GATA3: variants seen among roughly 807,000 people sequenced by gnomAD.
GATA3 encodes trans-acting T-cell-specific transcription factor GATA-3.
Under a neutral mutation model 36.0 loss-of-function variants are expected in GATA3, and 6 were observed. The ratio of observed to expected loss-of-function variants is 0.17; its 90% CI spans 0.09 to 0.33. The LOEUF is 0.33. Ranked by LOEUF, GATA3 falls within the 10% of genes least tolerant of loss-of-function variation. The probability of loss-of-function intolerance (pLI) is 1.00; values close to 1 mark genes in which losing one functional copy is unlikely to be tolerated. For missense variants in GATA3, 514 were observed against 610.1 expected, an observed-to-expected ratio of 0.84 and a Z score of 1.66; for synonymous variants, 326 against 273.0, an observed-to-expected ratio of 1.19 and a Z score of -1.92.
intron 3 of GATA3, among the ~76,000 whole-genome samples, chr10:8,062,729 T>A (rs1205052237): frequency 6.6e-6 from 1 of 152,144 alleles, no homozygotes; most frequent in East Asian, 1.9e-4. Flanking sequence ...CTTCCCTACC[T>A]ACCCTCCGGG....
chr10:8,055,466 T>A lies in GATA3; in HGVS notation c.-190T>A. 1 of 664,202 alleles carries A rather than the reference T, an allele frequency of 1.5e-6. No homozygotes were observed. Among genetic ancestry groups the A allele is most frequent in the South Asian group, 1.9e-5 (1 of 51,778 alleles). The allele number at this position is 664,202 out of a possible 1,614,324, so 41.1% of individuals were successfully genotyped here. A position where few individuals can be genotyped will look rare whatever the true frequency, so the allele number is the denominator to read the frequency against. On this transcript the variant is annotated 5_prime_UTR_variant, in exon 2 of 6. Coordinates refer to ENST00000379328, the MANE Select transcript of GATA3 (RefSeq NM_001002295.2). This position sits in a 1 kb window ranked among gnomAD's most constrained non-coding sequence, Gnocchi z 5.4. ...TCTTTGCTAAACGACCCCTCCAAGA[T>A]AATTTTTAAAAAACCTTCTCCTTTG...
intron 3 of GATA3, among the ~76,000 whole-genome samples, chr10:8,062,245 C>T (rs3824662): frequency 6.6e-6 from 1 of 151,828 alleles, no homozygotes; most frequent in South Asian, 2.1e-4. Flanking sequence ...GCATGCACTG[C>T]AGCGTGTTTG....
Position 8,055,866 on chromosome 10 carries a change from A to T in GATA3, c.211A>T (p.Thr71Ser), listed in dbSNP as rs2131483131. 1.3e-6 allele frequency: 2 copies of T among 1,570,766 alleles called. No homozygotes were observed. Among genetic ancestry groups the T allele is most frequent in the Non-Finnish European group, 1.7e-6 (2 of 1,157,718 alleles). The change falls in exon 2 of 6, where the codon ACG becomes TCG. Residue 71 changes from threonine to serine, a missense_variant. Around this residue, in one of 3 missense-constraint regions of GATA3, gnomAD observed 381 missense variants for 354.3 expected, o/e 1.08. Coordinates refer to ENST00000379328, the MANE Select transcript of GATA3 (RefSeq NM_001002295.2). This position sits in a 1 kb window ranked among gnomAD's most constrained non-coding sequence, Gnocchi z 5.4. ...PPYYGNSVRATVQRYPPTHHG... is the reference protein window; with the variant it reads ...PPYYGNSVRASVQRYPPTHHG... ...CTACTACGGAAACTCGGTCAGGGCC[A>T]CGGTGCAGAGGTACCCTCCGACCCA... is the stretch of plus-strand genomic sequence containing the variant.
In GATA3 at chr10:8,058,777, C is replaced by T. The variant is rs1379230275; in HGVS notation, c.714C>T (p.Ser238=). The change falls in exon 3 of 6, where the codon AGC becomes AGT. Residue 238 remains serine (S), a synonymous_variant. Coordinates refer to ENST00000379328, the MANE Select transcript of GATA3 (RefSeq NM_001002295.2). Reference sequence around the variant, plus strand: ...GCTCCGGACTCTTCCCCCCCAGCAGCCTGCTGGGCGGCTCCCCCACCGGCT... The same window carrying T: ...GCTCCGGACTCTTCCCCCCCAGCAGTCTGCTGGGCGGCTCCCCCACCGGCT... ...EYSSGLFPPS[S]LLGGSPTGFG... 1 of 1,609,652 alleles carries T rather than the reference C, an allele frequency of 6.2e-7. No homozygotes were observed. Among genetic ancestry groups the T allele is most frequent in the Non-Finnish European group, 8.5e-7 (1 of 1,179,410 alleles).
intron 4 of GATA3, among the ~76,000 whole-genome samples, chr10:8,067,427 C>T (rs1832859708): frequency 6.6e-6 from 1 of 152,180 alleles, no homozygotes; most frequent in African/African-American, 2.4e-5. Flanking sequence ...AAAAGGGTCA[C>T]TCAGGTTAAT....
At chr10:8,061,089 C>CTCTCTCTCTCTTT (rs754738004) in intron 3 of GATA3, among the ~76,000 whole-genome samples, 18 of 145,734 alleles carry the variant, frequency 1.2e-4, no homozygotes, top group East Asian at 1.0e-3. Context: ...CTCTCTCTCT[C>CTCTCTCTCTCTTT]TTTTTTACCC....
chr10:8,067,306 C>T (rs187402564), intron 4 of GATA3, among the ~76,000 whole-genome samples: 1 of 152,222 alleles, frequency 6.6e-6, no homozygotes, highest in Admixed American at 6.5e-5. Flanking sequence ...TTTTAGTTTC[C>T]AGTTCCTTAG....
At chr10:8,050,050 C>T (rs1465510735), upstream of GATA3, among the ~76,000 whole-genome samples, 1 of 152,188 alleles carries the variant, frequency 6.6e-6, no homozygotes, top group African/African-American at 2.4e-5. Flanking sequence ...GTCGCCCTCG[C>T]CCCGCTTTCA....
intron 4 of GATA3, among the ~76,000 whole-genome samples, chr10:8,065,705 T>G (rs1200114836): frequency 1.4e-5 from 2 of 140,218 alleles, no homozygotes; most frequent in Non-Finnish European, 3.1e-5. Context: ...GTTTGGTTTT[T>G]TTTTTTTTTT....
At chr10:8,067,446 G>T (rs1353804857) in intron 4 of GATA3, among the ~76,000 whole-genome samples, 4 of 152,200 alleles carry the variant, frequency 2.6e-5, no homozygotes, top group Non-Finnish European at 5.9e-5. Flanking sequence ...ATTCAAAATT[G>T]TCACTGGGTT....
intron 1 of GATA3, among the ~76,000 whole-genome samples, chr10:8,047,516 G>A (rs2131464058): frequency 6.6e-6 from 1 of 152,296 alleles, no homozygotes; most frequent in East Asian, 1.9e-4. Context: ...TTACTTAACG[G>A]TTGGAATAAC....
At position 8,055,594 on chromosome 10, in the gene GATA3, C is replaced by A; in HGVS notation, c.-62C>A. Reference sequence around the variant, plus strand: ...GAGCCCCCCGACCTCCCAGGCGGACCGCCCTCCCTCCCCGCGCGCGGGTTC... The same window carrying A: ...GAGCCCCCCGACCTCCCAGGCGGACAGCCCTCCCTCCCCGCGCGCGGGTTC... On this transcript the variant is annotated 5_prime_UTR_variant, in exon 2 of 6. Coordinates refer to ENST00000379328, the MANE Select transcript of GATA3 (RefSeq NM_001002295.2). This position sits in a 1 kb window ranked among gnomAD's most constrained non-coding sequence, Gnocchi z 5.4. 2.0e-6 allele frequency: 3 copies of A among 1,529,408 alleles called. No homozygotes were observed. In the South Asian group the frequency reaches 3.6e-5, roughly 18 times the overall value. The allele number at this position is 1,529,408 out of a possible 1,614,324, so 94.7% of individuals were successfully genotyped here. A position where few individuals can be genotyped will look rare whatever the true frequency, so the allele number is the denominator to read the frequency against.
At chr10:8,046,287 G>A (rs1291051193) in intron 1 of GATA3, among the ~76,000 whole-genome samples, 3 of 152,248 alleles carry the variant, frequency 2.0e-5, no homozygotes, top group Admixed American at 1.3e-4. Context: ...GGGCAGGACA[G>A]CTGCTTTACA....
At position 8,055,365 on chromosome 10, in the gene GATA3, C is replaced by A. The variant is rs1035094141; in HGVS notation, c.-291C>A. ...AGCCTGGCTCGCAGAATTGCAGAGT[C>A]GTCGCCCCTTTTTACAACCTGGTCC... On this transcript the variant is annotated 5_prime_UTR_variant, in exon 2 of 6. Transcript: ENST00000379328. This position sits in a 1 kb window ranked among gnomAD's most constrained non-coding sequence, Gnocchi z 5.4. 1.9e-6 allele frequency: 1 copy of A among 517,520 alleles called. No homozygotes were observed. The highest frequency in any genetic ancestry group is 2.0e-5 in the African/African-American group (1 of 50,572). The allele number at this position is 517,520 out of a possible 1,614,324, so 32.1% of individuals were successfully genotyped here. A position where few individuals can be genotyped will look rare whatever the true frequency, so the allele number is the denominator to read the frequency against.
At chr10:8,059,827 A>G (rs958877815) in intron 3 of GATA3, among the ~76,000 whole-genome samples, 1 of 152,240 alleles carries the variant, frequency 6.6e-6, no homozygotes, top group African/African-American at 2.4e-5. Flanking sequence ...ATTCTCTGAT[A>G]TTGATTTAAC....
At chr10:8,052,750 G>A (rs967792385), upstream of GATA3, 3 of 152,164 alleles carry the variant, frequency 2.0e-5, no homozygotes, top group Admixed American at 6.5e-5. Flanking sequence ...ATAATTAAAA[G>A]GTTTAGAGAG....
In GATA3 at chr10:8,055,071, C is replaced by A. The variant is rs1354262539; in HGVS notation, c.-370+180C>A. Among the ~76,000 whole-genome samples the A allele has an allele frequency of 1.3e-5, 2 of 152,036 alleles. No homozygotes were observed. The highest frequency in any genetic ancestry group is 2.4e-5 in the African/African-American group (1 of 41,434). ...GACTTGCCCTCCAAGTCGTAACAGT[C>A]AGCCCTGGGACTTGCCCTCCAAGTT... On this transcript the variant is annotated intron_variant, in intron 1 of 5. Transcript: ENST00000379328. The surrounding 1 kb of genome is among the most constrained non-coding windows in gnomAD (Gnocchi z 5.4).
chr10:8,047,650 G>A (rs1450439296), intron 1 of GATA3, among the ~76,000 whole-genome samples: 1 of 152,240 alleles, frequency 6.6e-6, no homozygotes, highest in East Asian at 1.9e-4. Flanking sequence ...GCTGCTGCCC[G>A]AGGCGTCCCG....
upstream of GATA3, among the ~76,000 whole-genome samples, chr10:8,054,489 G>T (rs887620340): frequency 5.9e-4 from 90 of 151,992 alleles, no homozygotes; most frequent in Admixed American, 5.4e-3. This position sits in a 1 kb window ranked among gnomAD's most constrained non-coding sequence, Gnocchi z 4.2. Flanking sequence ...CGCCCTCTGC[G>T]GCGCCCCTTT....
Sources: allele counts gnomAD v4.1 joint callset (sites outside exome capture counted in the v4.1 genomes callset), GRCh38; gene constraint gnomAD v4.1.1; regional missense constraint gnomAD v4.1.1; non-coding constraint Gnocchi (gnomAD v3.1); transcripts MANE v1.5; gene names NCBI Gene and HGNC (gene_info 2026-07-23, HGNC 2026-07-21).